The following ASAP2 variants were observed in gnomAD, a reference collection of about 807,000 sequenced individuals.
ASAP2 encodes the protein arf-GAP with SH3 domain, ANK repeat and PH domain-containing protein 2.
Under a neutral mutation model 131.4 loss-of-function variants are expected in ASAP2, and 45 were observed. That is an observed-to-expected ratio of 0.34 (90% CI 0.27 to 0.44). The LOEUF (loss-of-function observed/expected upper bound fraction) is 0.44. Ranked by LOEUF, ASAP2 falls within the 20% of genes least tolerant of loss-of-function variation. ASAP2 has a pLI of 1.00. For missense variants in ASAP2, 1,011 were observed against 1,297.0 expected, an observed-to-expected ratio of 0.78 and a Z score of 3.39; for synonymous variants, 510 against 503.0, an observed-to-expected ratio of 1.01 and a Z score of -0.19.
In ASAP2 at chr2:9,335,489, A is replaced by G. The variant is rs977355556; in HGVS notation, c.849+310A>G. On this transcript the variant is annotated intron_variant, in intron 9 of 27. Coordinates refer to ENST00000281419, the MANE Select transcript of ASAP2 (RefSeq NM_003887.3). The stretch of plus-strand genomic sequence containing the variant: ...ACAGAGACCATGTGTCATTTGTGCT[A>G]TTTATCCTGTACCTGGCCCTGTGTC... Among the ~76,000 whole-genome samples the G allele has an allele frequency of 3.9e-5, 6 of 152,098 alleles. No homozygotes were observed. In the South Asian group the frequency reaches 8.3e-4, roughly 21 times the overall value.
chr2:9,236,269 TGTAG>T (rs1271777236), intron 1 of ASAP2, among the ~76,000 whole-genome samples: 2 of 152,172 alleles, frequency 1.3e-5, no homozygotes, highest in Admixed American at 1.3e-4. Flanking sequence ...AGCAGAGGCT[TGTAG>T]GTAATCAAGT....
rs568744068 is a variant in ASAP2 at position 9,374,828 on chromosome 2, G to A, written c.1630G>A (p.Ala544Thr). Reference protein sequence around the residue: ...RYARKKHADNAAKLHSLCEAV... With the variant: ...RYARKKHADNTAKLHSLCEAV... ...CGCAAGGAAGAAGCACGCGGATAAC[G>A]CGGCGAAGCTTCACAGTCTTTGCGA... is the stretch of plus-strand genomic sequence containing the variant. Residue 544 changes from alanine (A) to threonine (T), a missense_variant, in exon 17 of 28, where the codon GCG becomes ACG. Physicochemically the swap from Ala to Thr is moderately conservative, Grantham distance 58. Coordinates refer to ENST00000281419, the MANE Select transcript of ASAP2 (RefSeq NM_003887.3). The A allele has an allele frequency of 3.7e-5, 60 of 1,614,036 alleles. No homozygotes were observed. In the East Asian group the frequency reaches 7.6e-4, roughly 20 times the overall value.
intron 1 of ASAP2, among the ~76,000 whole-genome samples, chr2:9,212,293 T>C (rs1407651055): frequency 6.6e-6 from 1 of 152,134 alleles, no homozygotes; most frequent in African/African-American, 2.4e-5. Flanking sequence ...GGACCACATC[T>C]GTAGGAATGC....
In ASAP2 at chr2:9,240,980, C is replaced by T. The variant is rs370779610; in HGVS notation, c.126+33750C>T. Among the ~76,000 whole-genome samples, 36 of 152,314 alleles carry T rather than the reference C, an allele frequency of 2.4e-4. 1 individual carries two copies. In the East Asian group the frequency reaches 3.3e-3, roughly 14 times the overall value. On this transcript the variant is annotated intron_variant, in intron 1 of 27. Transcript: ENST00000281419. ...CCAGACAAAGGGAGGAGTCACGTCC[C>T]GCGTGGGAGGCAGGACGGTGTGAGA...
Position 9,334,039 on chromosome 2 carries a change from C to CTTTTT in ASAP2, c.687-677_687-673dup, listed in dbSNP as rs35495550. On this transcript the variant is annotated intron_variant, in intron 7 of 27. Coordinates refer to ENST00000281419, the MANE Select transcript of ASAP2 (RefSeq NM_003887.3). ...CTCTCTCTCTGTCTCTGTCTTTCTC[C>CTTTTT]TTTTTTTTTTTTTTTTTTTTTTTTT... is the stretch of plus-strand genomic sequence containing the variant. Among the ~76,000 whole-genome samples the CTTTTT allele has an allele frequency of 2.1e-4, 11 of 53,246 alleles. 1 individual carries two copies. Among genetic ancestry groups the CTTTTT allele is most frequent in the African/African-American group, 7.8e-4 (11 of 14,054 alleles). 34.9% of individuals were successfully genotyped at this position (53,246 alleles called of 152,430 possible). A position where few individuals can be genotyped will look rare whatever the true frequency, so the allele number is the denominator to read the frequency against.
intron 3 of ASAP2, among the ~76,000 whole-genome samples, chr2:9,304,223 T>G (rs1033431956): frequency 1.3e-5 from 2 of 152,120 alleles, no homozygotes; most frequent in African/African-American, 4.8e-5. Flanking sequence ...ATCAGTTTCT[T>G]CACAATTGTC....
chr2:9,284,164 T>A (rs1323890743), intron 2 of ASAP2, among the ~76,000 whole-genome samples: 2 of 152,202 alleles, frequency 1.3e-5, no homozygotes, highest in Non-Finnish European at 2.9e-5. Context: ...CATAACGTAC[T>A]CACAAGTTCC....
intron 1 of ASAP2, among the ~76,000 whole-genome samples, chr2:9,270,785 A>ATTTCTT (rs1666299177): frequency 1.9e-5 from 1 of 52,924 alleles, no homozygotes; most frequent in African/African-American, 7.2e-5. Flanking sequence ...AATTGTTTTC[A>ATTTCTT]TTTTTTTTTT....
At chr2:9,360,535 A>G (rs1184281584) in intron 15 of ASAP2, among the ~76,000 whole-genome samples, 1 of 152,182 alleles carries the variant, frequency 6.6e-6, no homozygotes, top group East Asian at 1.9e-4. Flanking sequence ...CGTCCCCAAC[A>G]AATGTTTAAC....
In ASAP2 at chr2:9,374,900, G is replaced by A. The variant is rs747805201; in HGVS notation, c.1702G>A (p.Asp568Asn). The A allele has an allele frequency of 6.2e-7, 1 of 1,612,744 alleles. No homozygotes were observed. The highest frequency in any genetic ancestry group is 1.1e-5 in the South Asian group (1 of 90,996). The change falls in exon 17 of 28, where the codon GAT becomes AAT. Residue 568 changes from aspartate (D) to asparagine (N), a missense_variant. Coordinates refer to ENST00000281419, the MANE Select transcript of ASAP2 (RefSeq NM_003887.3). Reference sequence around the variant, plus strand: ...TTTTGGATTGCTCCAAGCTTATGCTGATGGTGTGGATCTTACGGAAAAAAT... The same window carrying A: ...TTTTGGATTGCTCCAAGCTTATGCTAATGGTGTGGATCTTACGGAAAAAAT... ...DIFGLLQAYA[D>N]GVDLTEKIPL...
At chr2:9,364,698 CGAA>C (rs1477629768) in intron 15 of ASAP2, among the ~76,000 whole-genome samples, 1 of 152,154 alleles carries the variant, frequency 6.6e-6, no homozygotes, top group Non-Finnish European at 1.5e-5. Flanking sequence ...TCCTCAAAGA[CGAA>C]GAACTTAACG....
intron 1 of ASAP2, among the ~76,000 whole-genome samples, chr2:9,256,368 G>T (rs1468479026): frequency 6.6e-6 from 1 of 151,796 alleles, no homozygotes; most frequent in Non-Finnish European, 1.5e-5. Flanking sequence ...GTCAGGCAAA[G>T]CGGCAGTGTC....
intron 1 of ASAP2, among the ~76,000 whole-genome samples, chr2:9,272,632 C>G (rs1374678338): frequency 6.6e-6 from 1 of 152,080 alleles, no homozygotes; most frequent in Non-Finnish European, 1.5e-5. Context: ...AATTCTTTGC[C>G]CAGACCAGTG....
Position 9,268,593 on chromosome 2 carries a change from C to A in ASAP2, c.127-10724C>A, listed in dbSNP as rs1031057562. Among the ~76,000 whole-genome samples the A allele has an allele frequency of 6.6e-6, 1 of 152,214 alleles. No individual in the cohort carries two copies. The highest frequency in any genetic ancestry group is 1.5e-5 in the Non-Finnish European group (1 of 68,030). Reference sequence around the variant, plus strand: ...AATATTTGACACTGTCATTAATGCTCTCTGTTACTTTCTGAAGAGTCGAAT... The same window carrying A: ...AATATTTGACACTGTCATTAATGCTATCTGTTACTTTCTGAAGAGTCGAAT... On this transcript the variant is annotated intron_variant, in intron 1 of 27. Coordinates refer to ENST00000281419, the MANE Select transcript of ASAP2 (RefSeq NM_003887.3). This position sits in a 1 kb window ranked among gnomAD's most constrained non-coding sequence, Gnocchi z 4.1.
rs1245933760 is a variant in ASAP2, at chr2:9,404,411, A to AG, written c.*1086dup. ...CAAACATCCCACTTTTTACTGTTTC[A>AG]GGCCATCATATCATTCTTAAGCTAC... On this transcript the variant is annotated 3_prime_UTR_variant, in exon 28 of 28. Transcript: ENST00000281419. The AG allele has an allele frequency of 6.6e-6, 1 of 152,244 alleles. No homozygotes were observed. The highest frequency in any genetic ancestry group is 2.4e-5 in the African/African-American group (1 of 41,472). 9.4% of individuals were successfully genotyped at this position (152,244 alleles called of 1,614,324 possible). A position where few individuals can be genotyped will look rare whatever the true frequency, so the allele number is the denominator to read the frequency against.
At chr2:9,256,167 AAAAAAAAAAAAAAAG>A (rs1665146551) in intron 1 of ASAP2, among the ~76,000 whole-genome samples, 1 of 151,196 alleles carries the variant, frequency 6.6e-6, no homozygotes, top group Admixed American at 6.6e-5. Context: ...CCCTGCAAAA[AAAAAAAAAAAAAAAG>A]AAAGCAAGTA....
In ASAP2 at chr2:9,258,825, C is replaced by A. The variant is rs181521323; in HGVS notation, c.127-20492C>A. On this transcript the variant is annotated intron_variant, in intron 1 of 27. Transcript: ENST00000281419. ...CTTATTTATTTCTCTCGCTCTCTCT[C>A]CTCTTCACTTCTCAAACTAAACATA... Among the ~76,000 whole-genome samples the A allele has an allele frequency of 3.3e-3, 504 of 152,344 alleles. 2 individuals carry two copies. The highest frequency in any genetic ancestry group is 0.02 in the Middle Eastern group (6 of 294).
chr2:9,332,256 G>T (rs1343973678), intron 7 of ASAP2, among the ~76,000 whole-genome samples: 8 of 152,130 alleles, frequency 5.3e-5, no homozygotes, highest in African/African-American at 1.4e-4. Flanking sequence ...GGGCTATGTA[G>T]TTAGGACTGT....
intron 1 of ASAP2, among the ~76,000 whole-genome samples, chr2:9,211,041 G>C (rs1404924628): frequency 6.6e-6 from 1 of 151,978 alleles, no homozygotes; most frequent in East Asian, 1.9e-4. Context: ...TGTAATCCCA[G>C]CTACTTGGGA....
Sources: allele counts gnomAD v4.1 joint callset (sites outside exome capture counted in the v4.1 genomes callset), GRCh38; gene constraint gnomAD v4.1.1; non-coding constraint Gnocchi (gnomAD v3.1); transcripts MANE v1.5; gene names NCBI Gene and HGNC (gene_info 2026-07-23, HGNC 2026-07-21).